Variants in DIAPH3 observed in about 807,000 individuals in gnomAD.
DIAPH3 encodes the protein protein diaphanous homolog 3.
In DIAPH3, 117 loss-of-function variants were observed where a neutral mutation model predicts 144.3. The observed-to-expected ratio is 0.81, with a 90% CI of 0.70 to 0.95. DIAPH3 has a LOEUF of 0.95. Among genes scored for constraint, DIAPH3 ranks in the 40% least tolerant of loss-of-function variants. DIAPH3 has a pLI of 0.00. For missense variants in DIAPH3, 1,421 were observed against 1,412.7 expected (o/e 1.01, Z -0.09); for synonymous variants, 519 against 488.9 (o/e 1.06, Z -0.81).
At chr13:59,995,342 T>C (rs2140855123) in intron 9 of DIAPH3, among the ~76,000 whole-genome samples, 1 of 152,016 alleles carries the variant, frequency 6.6e-6, no homozygotes, top group East Asian at 1.9e-4. Flanking sequence ...TGATCTCTCT[T>C]AATTTGCATG....
chr13:60,159,317 G>C (rs928663023), intron 1 of DIAPH3, among the ~76,000 whole-genome samples: 1 of 152,146 alleles, frequency 6.6e-6, no homozygotes, highest in African/African-American at 2.4e-5. Flanking sequence ...AGAGAATTCA[G>C]GACAGTGATT....
intron 17 of DIAPH3, among the ~76,000 whole-genome samples, chr13:59,927,681 CT>C (rs930637965): frequency 6.6e-6 from 1 of 152,116 alleles, no homozygotes; most frequent in Non-Finnish European, 1.5e-5. Context: ...CAGTTATTTT[CT>C]TTAAGCATTT....
chr13:60,084,008 AG>A (rs2057663308), intron 4 of DIAPH3, among the ~76,000 whole-genome samples: 1 of 23,598 alleles, frequency 4.2e-5, no homozygotes, highest in East Asian at 3.1e-3. Flanking sequence ...ATAGATAGAC[AG>A]ATAGATAGAT....
At chr13:59,811,773 T>C (rs1027902280) in intron 24 of DIAPH3, among the ~76,000 whole-genome samples, 7 of 151,492 alleles carry the variant, frequency 4.6e-5, no homozygotes, top group Non-Finnish European at 8.8e-5. Context: ...GTTTGTCATT[T>C]CAAAGCCAGG....
chr13:60,162,988 A>T (rs1952374366), intron 1 of DIAPH3, among the ~76,000 whole-genome samples: 2 of 152,138 alleles, frequency 1.3e-5, no homozygotes, highest in Non-Finnish European at 1.5e-5. Context: ...CTATACTTTC[A>T]CTAGTTGACA....
chr13:59,840,822 T>TA (rs2042300586), intron 22 of DIAPH3, among the ~76,000 whole-genome samples: 1 of 151,572 alleles, frequency 6.6e-6, no homozygotes. Context: ...AGTAGGTTTT[T>TA]TTTTTCCTTC....
intron 27 of DIAPH3, among the ~76,000 whole-genome samples, chr13:59,706,614 T>C (rs996728631): frequency 2.6e-5 from 4 of 152,222 alleles, no homozygotes; most frequent in African/African-American, 9.6e-5. Context: ...AACCCTACTA[T>C]AGAACTCCAA....
At chr13:59,713,238 GT>G (rs143626961) in intron 27 of DIAPH3, among the ~76,000 whole-genome samples, 12,200 of 140,672 alleles carry the variant, frequency 0.087, 751 homozygotes, top group African/African-American at 0.18. Context: ...TAATCTGAAG[GT>G]TTTTTTTTTT....
chr13:59,990,752 A>T (rs1339670916), intron 12 of DIAPH3, among the ~76,000 whole-genome samples: 2 of 151,980 alleles, frequency 1.3e-5, no homozygotes, highest in Non-Finnish European at 2.9e-5. Flanking sequence ...CATTAAACGC[A>T]ACTGTATTAT....
chr13:59,730,003 TA>T (rs2035819686), intron 27 of DIAPH3, among the ~76,000 whole-genome samples: 1 of 151,820 alleles, frequency 6.6e-6, no homozygotes, highest in African/African-American at 2.4e-5. Flanking sequence ...AGTATAGGTC[TA>T]AAAAAATGAG....
At chr13:59,994,889 A>G (rs1357395393) in intron 9 of DIAPH3, among the ~76,000 whole-genome samples, 3 of 151,910 alleles carry the variant, frequency 2.0e-5, no homozygotes, top group Non-Finnish European at 2.9e-5. Flanking sequence ...AGTGAAAATC[A>G]TAAGGAATTT....
intron 17 of DIAPH3, among the ~76,000 whole-genome samples, chr13:59,955,283 C>T (rs887983939): frequency 3.3e-5 from 5 of 151,912 alleles, no homozygotes; most frequent in South Asian, 2.1e-4. Flanking sequence ...GGGAGGTAAT[C>T]GAATCATGGG....
At chr13:59,738,446 A>C (rs1208148849) in intron 27 of DIAPH3, among the ~76,000 whole-genome samples, 1 of 152,132 alleles carries the variant, frequency 6.6e-6, no homozygotes, top group African/African-American at 2.4e-5. Flanking sequence ...GACCCAAGGC[A>C]TGCCAACTTG....
intron 1 of DIAPH3, among the ~76,000 whole-genome samples, chr13:60,137,580 C>G (rs2059317716): frequency 6.6e-6 from 1 of 151,980 alleles, no homozygotes; most frequent in Non-Finnish European, 1.5e-5. Context: ...ACTAGCAGGC[C>G]AATGGAGCAA....
chr13:60,111,865 A>G, intron 3 of DIAPH3, 145 bp downstream of exon 3: 1 of 790,946 alleles, frequency 1.3e-6, no homozygotes, highest in Non-Finnish European at 2.0e-6. Flanking sequence ...TAATCCAAAA[A>G]CTCTTTGTGG....
At chr13:60,086,951 A>G (rs2137854566) in intron 4 of DIAPH3, among the ~76,000 whole-genome samples, 1 of 152,282 alleles carries the variant, frequency 6.6e-6, no homozygotes, top group African/African-American at 2.4e-5. Flanking sequence ...CTTCCCACAG[A>G]CACCAGAATC....
At chr13:60,151,386 G>T (rs780366158) in intron 1 of DIAPH3, among the ~76,000 whole-genome samples, 14 of 152,148 alleles carry the variant, frequency 9.2e-5, no homozygotes, top group Non-Finnish European at 1.8e-4. Flanking sequence ...TCTCTCTCAA[G>T]TCTTTTTATC....
intron 11 of DIAPH3, 99 bp downstream of exon 11, chr13:59,991,969 T>C (rs1040331764): frequency 1.1e-6 from 1 of 935,378 alleles, no homozygotes; most frequent in Non-Finnish European, 1.7e-6. Flanking sequence ...TGATTTCATG[T>C]TGTTTATATA....
intron 1 of DIAPH3, among the ~76,000 whole-genome samples, chr13:60,157,718 T>C (rs889346182): frequency 1.3e-5 from 2 of 152,192 alleles, no homozygotes; most frequent in South Asian, 4.1e-4. Context: ...ATTCCTTCTA[T>C]TCTTCTGAGA....
Sources: gnomAD v4.1 joint callset for allele counts (sites outside exome capture counted in the v4.1 genomes callset) on GRCh38, gnomAD v4.1.1 for gene constraint, MANE v1.5 for transcripts, NCBI Gene and HGNC (gene_info 2026-07-23, HGNC 2026-07-21) for gene names.